The following SLC24A3 variants were observed in gnomAD, a reference collection of about 807,000 sequenced individuals.
SLC24A3 encodes solute carrier family 24 member 3.
SLC24A3 carries 28 observed loss-of-function variants against 75.8 expected under a neutral mutation model. That is an observed-to-expected ratio of 0.37 (90% CI 0.27 to 0.51). SLC24A3 has a LOEUF of 0.51. SLC24A3 is among the 20% of genes least tolerant of loss of function. The pLI is 0.94. For missense variants in SLC24A3, 663 were observed against 847.8 expected (o/e 0.78, Z 2.71); for synonymous variants, 372 against 334.1 (o/e 1.11, Z -1.24).
At chr20:19,400,868 G>A (rs760746163) in intron 2 of SLC24A3, among the ~76,000 whole-genome samples, 2 of 152,106 alleles carry the variant, frequency 1.3e-5, no homozygotes, top group African/African-American at 4.8e-5. Flanking sequence ...CTTGAAAACT[G>A]TTTTATATAT....
At chr20:19,218,694 C>CTT (rs112564502) in intron 1 of SLC24A3, among the ~76,000 whole-genome samples, 4 of 143,916 alleles carry the variant, frequency 2.8e-5, no homozygotes, top group African/African-American at 1.0e-4. Flanking sequence ...TTGTGGGAAG[C>CTT]TTTTTTTTTT....
At chr20:19,719,437 G>A (rs2033078221) in intron 16 of SLC24A3, among the ~76,000 whole-genome samples, 1 of 152,100 alleles carries the variant, frequency 6.6e-6, no homozygotes, top group Non-Finnish European at 1.5e-5. Context: ...TAAGAAGGGT[G>A]GGAGATGGGA....
In SLC24A3 at chr20:19,241,363, C is replaced by A. The variant is rs149029133; in HGVS notation, c.142+28379C>A. Among the ~76,000 whole-genome samples, 257 of 152,244 alleles carry A rather than the reference C, an allele frequency of 1.7e-3. 2 individuals carry two copies. The highest frequency in any genetic ancestry group is 5.9e-3 in the African/African-American group (247 of 41,552). On this transcript the variant is annotated intron_variant, in intron 1 of 16. Transcript: ENST00000328041. Reference sequence around the variant, plus strand: ...CACAATACTCGGGGCTTGGGAGTGCCCCATGTAGCTCAGAGCTGTCCACCC... The same window carrying A: ...CACAATACTCGGGGCTTGGGAGTGCACCATGTAGCTCAGAGCTGTCCACCC...
chr20:19,308,539 A>G (rs1445833751), intron 2 of SLC24A3, among the ~76,000 whole-genome samples: 9 of 152,254 alleles, frequency 5.9e-5, no homozygotes, highest in African/African-American at 2.2e-4. Flanking sequence ...GAGCTGAATC[A>G]TGCCAAGTCT....
At chr20:19,664,021 CTA>C (rs1303191161) in intron 7 of SLC24A3, among the ~76,000 whole-genome samples, 2 of 152,152 alleles carry the variant, frequency 1.3e-5, no homozygotes, top group African/African-American at 2.4e-5. Context: ...CTTTCATATT[CTA>C]TGTTATTGCC....
chr20:19,304,781 C>G (rs1984281127), intron 2 of SLC24A3, among the ~76,000 whole-genome samples: 1 of 152,036 alleles, frequency 6.6e-6, no homozygotes, highest in African/African-American at 2.4e-5. Flanking sequence ...AAAAATTGTT[C>G]CTAGAAAAGA....
chr20:19,289,515 CA>C (rs1983889913), intron 2 of SLC24A3, among the ~76,000 whole-genome samples: 1 of 152,212 alleles, frequency 6.6e-6, no homozygotes, highest in African/African-American at 2.4e-5. Context: ...GCAATGCACT[CA>C]ACTGTGTGTA....
intron 2 of SLC24A3, among the ~76,000 whole-genome samples, chr20:19,386,813 G>C (rs1208776986): frequency 6.6e-6 from 1 of 152,240 alleles, no homozygotes; most frequent in Non-Finnish European, 1.5e-5. Context: ...GATTTAGCTT[G>C]ATAGTATTTT....
intron 3 of SLC24A3, among the ~76,000 whole-genome samples, chr20:19,516,974 C>A (rs1177542948): frequency 6.6e-6 from 1 of 152,218 alleles, no homozygotes; most frequent in Non-Finnish European, 1.5e-5. Context: ...CCACCTTGAT[C>A]TTGACTCTGG....
chr20:19,361,343 C>A (rs1985784494), intron 2 of SLC24A3, among the ~76,000 whole-genome samples: 1 of 152,118 alleles, frequency 6.6e-6, no homozygotes. Context: ...CTTTAGAATC[C>A]CTCTCACAAT....
chr20:19,471,216 G>GTGT (rs1310643644), intron 2 of SLC24A3, among the ~76,000 whole-genome samples: 1 of 152,186 alleles, frequency 6.6e-6, no homozygotes, highest in East Asian at 1.9e-4. Context: ...GGCCCCTTCA[G>GTGT]TGTTTGGCGT....
At chr20:19,368,919 A>G (rs969315410) in intron 2 of SLC24A3, among the ~76,000 whole-genome samples, 2 of 152,226 alleles carry the variant, frequency 1.3e-5, no homozygotes, top group Admixed American at 6.5e-5. Flanking sequence ...GTTATAATCC[A>G]TAGAGTAAAA....
Position 19,294,089 on chromosome 20 carries a change from G to A in SLC24A3, c.271+13002G>A, listed in dbSNP as rs180915350. ...AATGCCTATACATCACTTCATTTAC[G>A]TGGATTCAATGTAGTACTTGAGACG... is the stretch of plus-strand genomic sequence containing the variant. On this transcript the variant is annotated intron_variant, in intron 2 of 16. Transcript: ENST00000328041. Among the ~76,000 whole-genome samples the A allele has an allele frequency of 1.8e-4, 27 of 152,108 alleles. No individual in the cohort carries two copies. The East Asian group carries it at 3.7e-3, about 21-fold the overall frequency.
chr20:19,361,003 A>T (rs6035307), intron 2 of SLC24A3, among the ~76,000 whole-genome samples: 2 of 151,892 alleles, frequency 1.3e-5, no homozygotes, highest in Non-Finnish European at 2.9e-5. Flanking sequence ...ATTTTTTTGT[A>T]TTTTTAGTAG....
rs148623616 is a variant in SLC24A3, at chr20:19,650,591, T to C, written c.613-3471T>C. ...TTGATTTTTTCAGTTACCGGCATTC[T>C]CCATTGAATTCACAGTATAGAAGAG... On this transcript the variant is annotated intron_variant, in intron 6 of 16. Coordinates refer to ENST00000328041, the MANE Select transcript of SLC24A3 (RefSeq NM_020689.4). Among the ~76,000 whole-genome samples the C allele has an allele frequency of 1.2e-4, 19 of 152,282 alleles. No homozygotes were observed. In the East Asian group the frequency reaches 3.1e-3, roughly 25 times the overall value.
At chr20:19,458,073 G>A (rs1414499566) in intron 2 of SLC24A3, among the ~76,000 whole-genome samples, 2 of 152,080 alleles carry the variant, frequency 1.3e-5, no homozygotes, top group Admixed American at 6.5e-5. Context: ...AGGTTGGCAG[G>A]GCAGGGTGGG....
chr20:19,260,668 A>G (rs895839187), intron 1 of SLC24A3, among the ~76,000 whole-genome samples: 2 of 152,246 alleles, frequency 1.3e-5, no homozygotes, highest in East Asian at 1.9e-4. Context: ...ACTTGTCTCT[A>G]TAGAAGAGCG....
At chr20:19,663,030 C>A (rs2032348576) in intron 7 of SLC24A3, among the ~76,000 whole-genome samples, 1 of 152,142 alleles carries the variant, frequency 6.6e-6, no homozygotes, top group African/African-American at 2.4e-5. Context: ...GTTGATAGCT[C>A]ATCTCCACCT....
intron 3 of SLC24A3, among the ~76,000 whole-genome samples, chr20:19,579,619 A>T (rs766416977): frequency 9.9e-5 from 15 of 152,226 alleles, no homozygotes; most frequent in Non-Finnish European, 1.9e-4. Context: ...GAGATAAATG[A>T]CATAGAGAGA....
Sources: gnomAD v4.1 joint callset for allele counts (sites outside exome capture counted in the v4.1 genomes callset) on GRCh38, gnomAD v4.1.1 for gene constraint, MANE v1.5 for transcripts, NCBI Gene and HGNC (gene_info 2026-07-23, HGNC 2026-07-21) for gene names.